The following TECPR1 variants were observed in gnomAD, a reference collection of about 807,000 sequenced individuals.
TECPR1 encodes tectonin beta-propeller repeat containing 1.
A neutral mutation model predicts 162.4 loss-of-function variants in TECPR1; 122 were observed. The ratio of observed to expected loss-of-function variants is 0.75; its 90% CI spans 0.65 to 0.87. The LOEUF is 0.87. TECPR1 is among the 40% of genes least tolerant of loss of function. TECPR1 has a pLI of 0.00. For missense variants in TECPR1, 1,432 were observed against 1,618.2 expected (o/e 0.88, Z 1.97); for synonymous variants, 642 against 670.6 (o/e 0.96, Z 0.66).
intron 2 of TECPR1, among the ~76,000 whole-genome samples, chr7:98,248,927 C>T (rs1038541348): frequency 3.3e-4 from 49 of 149,070 alleles, no homozygotes; most frequent in African/African-American, 1.0e-3. Flanking sequence ...TCTTCCTCTA[C>T]TCCCAGGCTG....
In TECPR1 at chr7:98,222,431, C is replaced by T. The variant is rs751286336; in HGVS notation, c.3019G>A (p.Gly1007Ser). 2.5e-6 allele frequency: 4 copies of T among 1,596,232 alleles called. No homozygotes were observed. The highest frequency in any genetic ancestry group is 1.1e-5 in the South Asian group (1 of 88,080). Reference protein sequence around the residue: ...CYQVWAVARDGSAFYRGSVYP... With the variant: ...CYQVWAVARDSSAFYRGSVYP... ...ACGGATCCCCGGTAGAAGGCGGAGC[C>T]GTCCCTTGCCACGGCCCACACCTGG... Residue 1007 changes from glycine to serine, a missense_variant, in exon 22 of 26, where the codon GGC (glycine) becomes AGC (serine). Physicochemically the swap from Gly to Ser is moderately conservative, Grantham distance 56. Transcript: ENST00000447648.
At chr7:98,246,508 G>A (rs1371825734) in intron 2 of TECPR1, among the ~76,000 whole-genome samples, 1 of 151,934 alleles carries the variant, frequency 6.6e-6, no homozygotes, top group African/African-American at 2.4e-5. Context: ...CTTGTGATCT[G>A]CCTGCCTCAG....
chr7:98,236,686 G>A (rs769691032), intron 10 of TECPR1, 90 bp downstream of exon 10: 44 of 1,496,132 alleles, frequency 2.9e-5, no homozygotes, highest in Non-Finnish European at 3.8e-5. Context: ...GACCCAGTGG[G>A]GCAGGTGGCA....
chr7:98,228,219 G>T, intron 16 of TECPR1, 103 bp from the exon 17 acceptor site: 1 of 911,912 alleles, frequency 1.1e-6, no homozygotes, highest in Non-Finnish European at 1.7e-6. Context: ...GGGAGGGCGG[G>T]CTGGAGCCAG....
rs1798747929 is a variant in TECPR1, at chr7:98,241,481, A to C, written c.658-237T>G. ...CAACCCAGCCCACTCATGGACACCC[A>C]CCCACCACCTGATTCCAGTCTCAGG... On this transcript the variant is annotated intron_variant, in intron 6 of 25. Coordinates refer to ENST00000447648, the MANE Select transcript of TECPR1 (RefSeq NM_015395.3). The surrounding 1 kb of genome is among the most constrained non-coding windows in gnomAD (Gnocchi z 5.0). Among the ~76,000 whole-genome samples the C allele has an allele frequency of 6.6e-6, 1 of 151,894 alleles. No individual in the cohort carries two copies. Among genetic ancestry groups the C allele is most frequent in the South Asian group, 2.1e-4 (1 of 4,814 alleles).
chr7:98,227,583 G>A (rs1402904977), intron 17 of TECPR1, among the ~76,000 whole-genome samples: 2 of 152,038 alleles, frequency 1.3e-5, no homozygotes, highest in Non-Finnish European at 2.9e-5. Flanking sequence ...CACTTTGGGA[G>A]GCTAAGGTGG....
At chr7:98,233,081 C>T (rs1014309786) in intron 11 of TECPR1, 109 bp from the exon 12 acceptor site, 24 of 1,316,984 alleles carry the variant, frequency 1.8e-5, no homozygotes, top group Middle Eastern at 2.7e-4. Flanking sequence ...TCAAAAGCTA[C>T]GCTCTCTGTT....
chr7:98,238,327 G>A (rs573985652), intron 9 of TECPR1, among the ~76,000 whole-genome samples, 182 bp downstream of exon 9: 6 of 152,306 alleles, frequency 3.9e-5, no homozygotes, highest in Middle Eastern at 3.4e-3. Context: ...GTGCCACCGG[G>A]GGGGTGGGAG....
intron 3 of TECPR1, 53 bp downstream of exon 3, chr7:98,245,869 C>A: frequency 6.7e-7 from 1 of 1,497,016 alleles, no homozygotes. Flanking sequence ...TCATTTTAAC[C>A]AATAACCCAG....
At chr7:98,235,451 G>A (rs1413470093) in intron 10 of TECPR1, among the ~76,000 whole-genome samples, 3 of 151,644 alleles carry the variant, frequency 2.0e-5, no homozygotes, top group Non-Finnish European at 4.4e-5. Context: ...CGTGAACCCT[G>A]GAGGTGGAGC....
intron 22 of TECPR1, 43 bp downstream of exon 22, chr7:98,222,343 C>T (rs761084072): frequency 8.8e-6 from 14 of 1,587,336 alleles, no homozygotes; most frequent in African/African-American, 1.3e-5. Flanking sequence ...TCAGCTTGGA[C>T]GGAAGGTGAA....
chr7:98,232,715 C>A lies in TECPR1; in HGVS notation c.1818+112G>T. 1 of 1,333,978 alleles carries A rather than the reference C, an allele frequency of 7.5e-7. No individual in the cohort carries two copies. The highest frequency in any genetic ancestry group is 9.9e-7 in the Non-Finnish European group (1 of 1,006,788). 82.6% of individuals were successfully genotyped at this position (1,333,978 alleles called of 1,614,324 possible). A position where few individuals can be genotyped will look rare whatever the true frequency, so the allele number is the denominator to read the frequency against. On this transcript the variant is annotated intron_variant, in intron 12 of 25. Transcript: ENST00000447648. This position sits in a 1 kb window ranked among gnomAD's most constrained non-coding sequence, Gnocchi z 4.6. ...CTATGCCTGCATCTGGGCGGGAGAC[C>A]AGGGGATGGAGGCATCTATCTGTTT...
chr7:98,239,741 A>G (rs1048947719), intron 8 of TECPR1, among the ~76,000 whole-genome samples: 2 of 152,046 alleles, frequency 1.3e-5, no homozygotes, highest in Non-Finnish European at 2.9e-5. Context: ...GAGCTTCAGC[A>G]CTGGAGATAC....
Position 98,241,243 on chromosome 7 carries a change from A to C in TECPR1, c.659T>G (p.Val220Gly), listed in dbSNP as rs772234825. The C allele has an allele frequency of 6.2e-7, 1 of 1,611,918 alleles. No individual in the cohort carries two copies. The highest frequency in any genetic ancestry group is 8.5e-7 in the Non-Finnish European group (1 of 1,179,658). The change falls in exon 7 of 26, where the codon GTG becomes GGG. Residue 220 changes from valine (V) to glycine (G), a missense_variant and splice_region_variant. Physicochemically the swap from Val to Gly is moderately radical, Grantham distance 109. Coordinates refer to ENST00000447648, the MANE Select transcript of TECPR1 (RefSeq NM_015395.3). This position sits in a 1 kb window ranked among gnomAD's most constrained non-coding sequence, Gnocchi z 5.0. ...GTGGCTGACGTCCTCTCTGTACCAC[A>C]CCTGGGAGGCAAGACAGGGACACAG... is the stretch of plus-strand genomic sequence containing the variant. ...SVWAVSLQGK[V>G]WYREDVSHSN...
At chr7:98,223,202 A>T (rs1477246038) in intron 20 of TECPR1, 32 bp from the exon 21 acceptor site, 2 of 1,551,552 alleles carry the variant, frequency 1.3e-6, no homozygotes, top group South Asian at 1.2e-5. Context: ...CAGCCCAGGG[A>T]CCCCAAGGTG....
At chr7:98,229,336 CT>C (rs1287049019) in intron 15 of TECPR1, among the ~76,000 whole-genome samples, 170 bp from the exon 16 acceptor site, 1 of 152,186 alleles carries the variant, frequency 6.6e-6, no homozygotes, top group Non-Finnish European at 1.5e-5. Context: ...TTAATCAACG[CT>C]AAAAAGACTC....
Position 98,241,098 on chromosome 7 carries a change from C to T in TECPR1, c.804G>A (p.Arg268=). ...TGGGATTGCTCCTGTTGATTCCTTC[C>T]CGGACCAGGGCCTGTCCCTCCCAGA... The part of the protein sequence containing the change: ...ATLWEGQALV[R]EGINRSNPKG... The change falls in exon 7 of 26, where the codon CGG becomes CGA. Residue 268 remains arginine, a synonymous_variant. Transcript: ENST00000447648. The surrounding 1 kb of genome is among the most constrained non-coding windows in gnomAD (Gnocchi z 5.0). The T allele has an allele frequency of 6.2e-7, 1 of 1,609,518 alleles. No individual in the cohort carries two copies. The highest frequency in any genetic ancestry group is 8.5e-7 in the Non-Finnish European group (1 of 1,178,006).
In TECPR1 at chr7:98,246,036, G is replaced by C. The variant is rs562039681; in HGVS notation, c.111C>G (p.Arg37=). The change falls in exon 3 of 26, where the codon CGC becomes CGG. Residue 37 remains arginine, a synonymous_variant. Coordinates refer to ENST00000447648, the MANE Select transcript of TECPR1 (RefSeq NM_015395.3). ...MCKDSQLEFK[R]VSATTQCCWG... is the part of the protein sequence containing the mutation. ...AGCAGCACTGCGTGGTGGCGCTGAC[G>C]CGCTTGAACTCCAGCTGGGAGTCCT... 6.3e-6 allele frequency: 10 copies of C among 1,589,238 alleles called. No homozygotes were observed. The highest frequency in any genetic ancestry group is 8.6e-6 in the Non-Finnish European group (10 of 1,168,538).
At position 98,249,371 on chromosome 7, in the gene TECPR1, C is replaced by T. The variant is rs571946407; in HGVS notation, c.-20+2023G>A. Among the ~76,000 whole-genome samples the T allele has an allele frequency of 4.9e-4, 74 of 152,180 alleles. 1 individual carries two copies. Among genetic ancestry groups the T allele is most frequent in the African/African-American group, 1.7e-3 (72 of 41,524 alleles). ...TGGAGGAAGCCCGGGGAGTAAGAGCCCCTCCCAGAGCAGCTGACCCCCTCC... is the reference window on the plus strand; with the variant it reads ...TGGAGGAAGCCCGGGGAGTAAGAGCTCCTCCCAGAGCAGCTGACCCCCTCC... On this transcript the variant is annotated intron_variant, in intron 2 of 25. Coordinates refer to ENST00000447648, the MANE Select transcript of TECPR1 (RefSeq NM_015395.3).
Sources: gnomAD v4.1 joint callset for allele counts (sites outside exome capture counted in the v4.1 genomes callset) on GRCh38, gnomAD v4.1.1 for gene constraint, Gnocchi (gnomAD v3.1) non-coding constraint, MANE v1.5 for transcripts, NCBI Gene and HGNC (gene_info 2026-07-23, HGNC 2026-07-21) for gene names.